Variants in LPAR1 observed in about 807,000 individuals in gnomAD.
The protein encoded by LPAR1 is LPA receptor 1.
LPAR1 carries 5 observed loss-of-function variants against 23.8 expected under a neutral mutation model. The observed-to-expected ratio is 0.21, with a 90% CI of 0.11 to 0.44. The LOEUF is 0.44. Ranked by LOEUF, LPAR1 falls within the 20% of genes least tolerant of loss-of-function variation. The pLI is 0.99. For missense variants in LPAR1, 311 were observed against 482.8 expected (o/e 0.64, Z 3.33); for synonymous variants, 160 against 164.7 (o/e 0.97, Z 0.22).
At chr9:111,007,199 G>A (rs972716955) in intron 2 of LPAR1, among the ~76,000 whole-genome samples, 1 of 152,042 alleles carries the variant, frequency 6.6e-6, no homozygotes, top group Non-Finnish European at 1.5e-5. Context: ...GCTTCCTGTA[G>A]AGCCCGCAGA....
chr9:110,906,056 C>T (rs577060127), intron 5 of LPAR1, among the ~76,000 whole-genome samples: 2 of 152,222 alleles, frequency 1.3e-5, no homozygotes, highest in Admixed American at 1.3e-4. Context: ...CCATAGGTAG[C>T]AATGGATTTG....
At chr9:110,972,854 G>A (rs955265970) in intron 3 of LPAR1, among the ~76,000 whole-genome samples, 2 of 152,112 alleles carry the variant, frequency 1.3e-5, no homozygotes, top group African/African-American at 4.8e-5. Context: ...GGCTGAGGCA[G>A]GAGAATTGTT....
At chr9:110,952,674 C>T (rs903803816) in intron 4 of LPAR1, among the ~76,000 whole-genome samples, 4 of 152,154 alleles carry the variant, frequency 2.6e-5, no homozygotes, top group African/African-American at 9.7e-5. Flanking sequence ...CTCCAACCAC[C>T]TGTCTGTGGT....
intron 5 of LPAR1, among the ~76,000 whole-genome samples, chr9:110,905,212 C>T (rs975145420): frequency 3.3e-5 from 5 of 152,200 alleles, no homozygotes; most frequent in African/African-American, 1.2e-4. Context: ...CCTCAGTTTA[C>T]CATGCTATCC....
intron 5 of LPAR1, among the ~76,000 whole-genome samples, chr9:110,919,741 A>G (rs1305106591): frequency 6.6e-6 from 1 of 152,220 alleles, no homozygotes; most frequent in African/African-American, 2.4e-5. Flanking sequence ...GAGAACCATC[A>G]CATGACACCA....
chr9:110,967,033 C>A (rs1310054388), intron 4 of LPAR1, among the ~76,000 whole-genome samples: 1 of 152,172 alleles, frequency 6.6e-6, no homozygotes, highest in Non-Finnish European at 1.5e-5. Flanking sequence ...AGGATACGAA[C>A]ACATTAACTC....
At chr9:110,989,956 A>C (rs2096864622) in intron 2 of LPAR1, among the ~76,000 whole-genome samples, 1 of 88,188 alleles carries the variant, frequency 1.1e-5, no homozygotes, top group Non-Finnish European at 2.5e-5. Context: ...ATCAATATTA[A>C]AATCTAACAG....
intron 5 of LPAR1, among the ~76,000 whole-genome samples, chr9:110,921,277 T>C (rs2093613412): frequency 6.6e-6 from 1 of 152,182 alleles, no homozygotes; most frequent in Admixed American, 6.5e-5. Flanking sequence ...TTATCTCAGT[T>C]TAATTAAAGG....
At chr9:110,978,180 T>A (rs916961355) in intron 2 of LPAR1, among the ~76,000 whole-genome samples, 1 of 152,134 alleles carries the variant, frequency 6.6e-6, no homozygotes, top group African/African-American at 2.4e-5. Context: ...ATAGAGCAGG[T>A]AGCCATAGAA....
intron 4 of LPAR1, among the ~76,000 whole-genome samples, chr9:110,958,843 A>T (rs1262594389): frequency 6.6e-6 from 1 of 150,554 alleles, no homozygotes; most frequent in Admixed American, 6.6e-5. Flanking sequence ...GAAGGAACTC[A>T]AACAAGTCAA....
intron 2 of LPAR1, among the ~76,000 whole-genome samples, chr9:110,989,867 T>A (rs964682808): frequency 1.3e-5 from 2 of 151,870 alleles, no homozygotes; most frequent in African/African-American, 4.8e-5. Flanking sequence ...ACTTTAAACA[T>A]GAAGACACAA....
intron 2 of LPAR1, among the ~76,000 whole-genome samples, chr9:110,987,357 C>CATATGTTTATATAATAT (rs1171447398): frequency 1.3e-5 from 2 of 150,016 alleles, no homozygotes; most frequent in Admixed American, 6.7e-5. Context: ...TTGTATAATA[C>CATATGTTTATATAATAT]ATATGTTTAT....
intron 2 of LPAR1, among the ~76,000 whole-genome samples, chr9:110,975,004 C>T (rs2096525203): frequency 6.6e-6 from 1 of 151,868 alleles, no homozygotes; most frequent in South Asian, 2.1e-4. Context: ...TTTTTCCTTT[C>T]TCCCTCTTAT....
intron 4 of LPAR1, among the ~76,000 whole-genome samples, chr9:110,953,932 A>G (rs1437829596): frequency 6.6e-6 from 1 of 152,146 alleles, no homozygotes; most frequent in Non-Finnish European, 1.5e-5. Context: ...TCAAAAGAGC[A>G]CAATAATTCT....
At chr9:111,038,991 G>A (rs73657233), upstream of LPAR1, among the ~76,000 whole-genome samples, 1 of 152,190 alleles carries the variant, frequency 6.6e-6, no homozygotes, top group African/African-American at 2.4e-5. This position sits in a 1 kb window ranked among gnomAD's most constrained non-coding sequence, Gnocchi z 4.4. Context: ...GCAAAACCCC[G>A]GAAATGTGGC....
intron 2 of LPAR1, among the ~76,000 whole-genome samples, chr9:111,020,175 A>G (rs763761846): frequency 2.6e-5 from 4 of 152,236 alleles, no homozygotes; most frequent in East Asian, 1.9e-4. Context: ...GGGCTCCAAC[A>G]TGAATATTAG....
At chr9:110,896,717 G>A (rs2086459648) in intron 5 of LPAR1, among the ~76,000 whole-genome samples, 1 of 151,594 alleles carries the variant, frequency 6.6e-6, no homozygotes. Flanking sequence ...ATACACTGAA[G>A]CATGACTTAA....
intron 4 of LPAR1, among the ~76,000 whole-genome samples, chr9:110,960,566 A>T (rs2095930041): frequency 6.6e-6 from 1 of 152,218 alleles, no homozygotes; most frequent in Non-Finnish European, 1.5e-5. Context: ...CGAAATGTTA[A>T]CATTTTACAA....
intron 2 of LPAR1, among the ~76,000 whole-genome samples, chr9:111,034,169 G>A (rs1489012092): frequency 1.3e-5 from 2 of 152,184 alleles, no homozygotes; most frequent in Admixed American, 6.5e-5. Context: ...CTGCAGTACC[G>A]AGTGTGCTAC....
Sources: allele counts gnomAD v4.1 joint callset (sites outside exome capture counted in the v4.1 genomes callset), GRCh38; gene constraint gnomAD v4.1.1; non-coding constraint Gnocchi (gnomAD v3.1); transcripts MANE v1.5; gene names NCBI Gene and HGNC (gene_info 2026-07-23, HGNC 2026-07-21).